TNIK: variants seen among roughly 807,000 people sequenced by gnomAD.
TNIK encodes TRAF2 and NCK-interacting protein kinase.
Under a neutral mutation model 191.3 loss-of-function variants are expected in TNIK, and 49 were observed. That is an observed-to-expected ratio of 0.26 (90% confidence interval 0.20 to 0.32). The LOEUF (loss-of-function observed/expected upper bound fraction) is 0.32, where lower values mean the gene tolerates loss of function less well. Ranked by LOEUF, TNIK falls within the 10% of genes least tolerant of loss-of-function variation. TNIK has a pLI of 1.00. For missense variants in TNIK, 1,155 were observed against 1,702.3 expected (o/e 0.68, Z 5.66); for synonymous variants, 594 against 600.9 (o/e 0.99, Z 0.17).
chr3:171,450,031 G>A (rs1183355624), intron 1 of TNIK, among the ~76,000 whole-genome samples: 3 of 152,008 alleles, frequency 2.0e-5, no homozygotes, highest in African/African-American at 4.8e-5. Flanking sequence ...GTGAGACTCC[G>A]TCTCAAACAT....
At chr3:171,260,275 C>A (rs1051509184) in intron 2 of TNIK, among the ~76,000 whole-genome samples, 2 of 152,116 alleles carry the variant, frequency 1.3e-5, no homozygotes, top group African/African-American at 2.4e-5. Flanking sequence ...AAGCTGTATT[C>A]AAAATTGAGG....
In TNIK at chr3:171,138,310, T is replaced by C. The variant is rs777356193; in HGVS notation, c.1489A>G (p.Arg497Gly). The C allele has an allele frequency of 1.2e-6, 2 of 1,613,348 alleles. No homozygotes were observed. The highest frequency in any genetic ancestry group is 1.7e-6 in the Non-Finnish European group (2 of 1,179,706). ...ERLQRQLKQERDYLVSLQHQR... is the reference protein window; with the variant it reads ...ERLQRQLKQEGDYLVSLQHQR... ...TGCTGAAGGGAAACTAAGTAGTCTC[T>C]TTCTTGCTTTAGCTGCCTCTGCAGT... Residue 497 changes from arginine (R) to glycine (G), a missense_variant, in exon 15 of 33, where the codon AGA becomes GGA. Transcript: ENST00000436636.
chr3:171,242,540 G>A (rs1205862692), intron 2 of TNIK, among the ~76,000 whole-genome samples: 2 of 151,534 alleles, frequency 1.3e-5, no homozygotes, highest in Non-Finnish European at 2.9e-5. Context: ...ATTTAACTCA[G>A]CAGTCTTGTG....
chr3:171,362,815 C>T (rs1391617373), intron 2 of TNIK, among the ~76,000 whole-genome samples: 2 of 152,176 alleles, frequency 1.3e-5, no homozygotes, highest in African/African-American at 2.4e-5. Flanking sequence ...GGCAGTCCTG[C>T]TCCAAAGTCC....
At chr3:171,317,580 G>A (rs926088389) in intron 2 of TNIK, among the ~76,000 whole-genome samples, 3 of 152,138 alleles carry the variant, frequency 2.0e-5, no homozygotes, top group East Asian at 1.9e-4. Context: ...CTCTTTGCCC[G>A]CTTAGGCAAA....
At chr3:171,262,420 C>T (rs1043606228) in intron 2 of TNIK, among the ~76,000 whole-genome samples, 1 of 152,096 alleles carries the variant, frequency 6.6e-6, no homozygotes, top group East Asian at 1.9e-4. Context: ...TTTGTCTTGT[C>T]CCCCAGAGTC....
chr3:171,376,971 C>T (rs736101), intron 1 of TNIK, among the ~76,000 whole-genome samples: 62,655 of 152,062 alleles, frequency 0.41, 14,088 homozygotes, highest in East Asian at 0.87. Context: ...TTCCAGTTTT[C>T]TTCATCTGTA....
In TNIK at chr3:171,094,710, C is replaced by G. The variant is rs142706661; in HGVS notation, c.2592-742G>C. 1.6e-3 allele frequency among the ~76,000 whole-genome samples: 244 copies of G among 152,264 alleles called. 1 individual carries two copies. The highest frequency in any genetic ancestry group is 5.8e-3 in the African/African-American group (240 of 41,540). Reference sequence around the variant, plus strand: ...TTTCCACTCTGGCCTTGGTTGGTTCCCTCTCATTCATCCTACATGATGCTT... The same window carrying G: ...TTTCCACTCTGGCCTTGGTTGGTTCGCTCTCATTCATCCTACATGATGCTT... On this transcript the variant is annotated intron_variant, in intron 22 of 32. Transcript: ENST00000436636.
At chr3:171,141,810 G>A (rs977449457) in intron 12 of TNIK, among the ~76,000 whole-genome samples, 3 of 152,128 alleles carry the variant, frequency 2.0e-5, no homozygotes, top group Non-Finnish European at 4.4e-5. Flanking sequence ...AAGTTCAGAG[G>A]GGACATACCA....
rs1185437852 is a variant in TNIK at position 171,060,762 on chromosome 3, A to T, written c.*3119T>A. On this transcript the variant is annotated 3_prime_UTR_variant, in exon 33 of 33. Coordinates refer to ENST00000436636, the MANE Select transcript of TNIK (RefSeq NM_015028.4). ...ATTCCTACCACCACTGGATGCAGGA[A>T]TCCATGCTACAGTATCTTTGACTGG... 6.6e-6 allele frequency among the ~76,000 whole-genome samples: 1 copy of T among 152,124 alleles called. No individual in the cohort carries two copies. The highest frequency in any genetic ancestry group is 2.4e-5 in the African/African-American group (1 of 41,426).
chr3:171,110,734 C>T lies in TNIK; in HGVS notation c.2264G>A (p.Ser755Asn). The change falls in exon 19 of 33, where the codon AGT becomes AAT. Residue 755 changes from serine to asparagine, a missense_variant. By Grantham distance (46) the Ser-to-Asn change is conservative. Coordinates refer to ENST00000436636, the MANE Select transcript of TNIK (RefSeq NM_015028.4). ...TTTACCTCGAACTCTGGTGCGTTCACTGGATCCTGCTTGTGATCCAGGCTG... is the reference window on the plus strand; with the variant it reads ...TTTACCTCGAACTCTGGTGCGTTCATTGGATCCTGCTTGTGATCCAGGCTG... ...GSQPGSQAGS[S>N]ERTRVRANSK... 6.3e-7 allele frequency: 1 copy of T among 1,599,020 alleles called. No homozygotes were observed. Among genetic ancestry groups the T allele is most frequent in the Non-Finnish European group, 8.5e-7 (1 of 1,172,756 alleles).
intron 12 of TNIK, among the ~76,000 whole-genome samples, chr3:171,154,164 C>T (rs552999710): frequency 4.2e-4 from 64 of 151,306 alleles, no homozygotes; most frequent in Non-Finnish European, 8.2e-4. Flanking sequence ...AAGTTAGAGG[C>T]TTAGAGAGGG....
intron 2 of TNIK, among the ~76,000 whole-genome samples, chr3:171,368,956 A>C (rs1716125560): frequency 6.7e-6 from 1 of 149,502 alleles, no homozygotes; most frequent in African/African-American, 2.5e-5. Flanking sequence ...TTTTTTTGAC[A>C]ATCAGAAAAG....
rs1261158200 is a variant in TNIK at position 171,066,378 on chromosome 3, C to T, written c.3860-52G>A. 2.5e-6 allele frequency: 4 copies of T among 1,604,768 alleles called. No individual in the cohort carries two copies. In the Admixed American group the frequency reaches 6.8e-5, roughly 27 times the overall value. ...ATTAAAAACATTAGATGGGCAATAACTCACAGCATCTGTTCACATCTTAAC... is the reference window on the plus strand; with the variant it reads ...ATTAAAAACATTAGATGGGCAATAATTCACAGCATCTGTTCACATCTTAAC... On this transcript the variant is annotated intron_variant, in intron 31 of 32. Transcript: ENST00000436636.
intron 7 of TNIK, among the ~76,000 whole-genome samples, chr3:171,180,321 C>G (rs928715410): frequency 1.3e-5 from 2 of 152,172 alleles, no homozygotes; most frequent in Non-Finnish European, 2.9e-5. Context: ...TGGGACCTCC[C>G]CCCAGCACTG....
At chr3:171,211,693 T>C (rs981291143) in intron 3 of TNIK, among the ~76,000 whole-genome samples, 1 of 152,158 alleles carries the variant, frequency 6.6e-6, no homozygotes, top group Non-Finnish European at 1.5e-5. Flanking sequence ...AAGGCTCCTT[T>C]CATTGAAGTA....
intron 2 of TNIK, among the ~76,000 whole-genome samples, chr3:171,292,947 T>C (rs949848052): frequency 6.6e-6 from 1 of 150,852 alleles, no homozygotes; most frequent in Non-Finnish European, 1.5e-5. Flanking sequence ...AAGTGAGGAG[T>C]TTTTAATCAC....
chr3:171,350,595 TAAAA>T (rs71178208), intron 2 of TNIK, among the ~76,000 whole-genome samples: 6 of 98,000 alleles, frequency 6.1e-5, no homozygotes, highest in South Asian at 3.8e-4. Flanking sequence ...GCTCTGTTGC[TAAAA>T]AAAAAAAAAA....
At chr3:171,443,791 T>G (rs1727137678) in intron 1 of TNIK, among the ~76,000 whole-genome samples, 1 of 152,102 alleles carries the variant, frequency 6.6e-6, no homozygotes, top group Non-Finnish European at 1.5e-5. Context: ...GCCACTGCAC[T>G]CCAGCCTGGG....
Sources: allele counts gnomAD v4.1 joint callset (sites outside exome capture counted in the v4.1 genomes callset), GRCh38; gene constraint gnomAD v4.1.1; transcripts MANE v1.5; gene names NCBI Gene and HGNC (gene_info 2026-07-23, HGNC 2026-07-21).